The following ADAMTS3 variants were observed in gnomAD, a reference collection of about 807,000 sequenced individuals.
ADAMTS3 encodes ADAM metallopeptidase with thrombospondin type 1 motif 3, also known as A disintegrin and metalloproteinase with thrombospondin motifs 3.
ADAMTS3 carries 73 observed loss-of-function variants against 129.0 expected under a neutral mutation model. The ratio of observed to expected loss-of-function variants is 0.57; its 90% confidence interval spans 0.47 to 0.69. The LOEUF (loss-of-function observed/expected upper bound fraction) is 0.69. Ranked by LOEUF, ADAMTS3 falls within the 30% of genes least tolerant of loss-of-function variation. The probability of loss-of-function intolerance (pLI) is 0.00; values close to 1 mark genes in which losing one functional copy is unlikely to be tolerated. For missense variants in ADAMTS3, 1,457 were observed against 1,514.5 expected, an observed-to-expected ratio of 0.96 and a Z score of 0.63; for synonymous variants, 477 against 510.8, an observed-to-expected ratio of 0.93 and a Z score of 0.89.
At chr4:72,472,130 G>A (rs1171273543) in intron 3 of ADAMTS3, among the ~76,000 whole-genome samples, 3 of 152,054 alleles carry the variant, frequency 2.0e-5, no homozygotes, top group East Asian at 1.9e-4. Flanking sequence ...ATGAGACAGG[G>A]CTTGACAATA....
intron 3 of ADAMTS3, among the ~76,000 whole-genome samples, chr4:72,417,816 C>T (rs1296444865): frequency 6.6e-6 from 1 of 150,834 alleles, no homozygotes; most frequent in African/African-American, 2.4e-5. Flanking sequence ...GCCTGTAGTC[C>T]CAGCTACTCG....
chr4:72,364,675 G>A (rs1720822874), intron 4 of ADAMTS3, among the ~76,000 whole-genome samples: 2 of 151,540 alleles, frequency 1.3e-5, no homozygotes, highest in African/African-American at 4.8e-5. Context: ...ACAGAGTTAT[G>A]TGCAATTTCT....
intron 3 of ADAMTS3, among the ~76,000 whole-genome samples, chr4:72,528,353 A>T (rs1270871486): frequency 6.6e-6 from 1 of 152,108 alleles, no homozygotes; most frequent in Non-Finnish European, 1.5e-5. Flanking sequence ...CAAAGTAGTT[A>T]AAAGAGAGTA....
chr4:72,298,012 A>T, intron 18 of ADAMTS3, among the ~76,000 whole-genome samples: 1 of 152,100 alleles, frequency 6.6e-6, no homozygotes, highest in Non-Finnish European at 1.5e-5. Flanking sequence ...GAATAAAGTG[A>T]TTAAGGGTAC....
chr4:72,479,466 G>A (rs1235894767), intron 3 of ADAMTS3, among the ~76,000 whole-genome samples: 1 of 152,092 alleles, frequency 6.6e-6, no homozygotes, highest in Non-Finnish European at 1.5e-5. Flanking sequence ...TTTAATAAAT[G>A]GTGCTGGGAA....
chr4:72,343,160 C>A (rs771212455), intron 4 of ADAMTS3, among the ~76,000 whole-genome samples: 4 of 152,032 alleles, frequency 2.6e-5, no homozygotes, highest in Non-Finnish European at 5.9e-5. Flanking sequence ...AGCTGGCCAT[C>A]CCACCCTAAT....
chr4:72,386,366 A>G (rs530659573), intron 4 of ADAMTS3, among the ~76,000 whole-genome samples: 1 of 152,122 alleles, frequency 6.6e-6, no homozygotes, highest in African/African-American at 2.4e-5. Context: ...CATCTGTGTC[A>G]CTCTAGCAAT....
At chr4:72,327,178 A>C (rs1385818009) in intron 5 of ADAMTS3, among the ~76,000 whole-genome samples, 4 of 152,156 alleles carry the variant, frequency 2.6e-5, no homozygotes, top group Admixed American at 2.0e-4. Context: ...AGGCATAAGG[A>C]AATTCTCATG....
At chr4:72,360,555 T>C (rs1720695821) in intron 4 of ADAMTS3, among the ~76,000 whole-genome samples, 2 of 151,954 alleles carry the variant, frequency 1.3e-5, no homozygotes, top group Non-Finnish European at 2.9e-5. Flanking sequence ...AAATTTACAA[T>C]TTTACGTAAA....
At chr4:72,436,513 C>A (rs1367111257) in intron 3 of ADAMTS3, among the ~76,000 whole-genome samples, 1 of 152,110 alleles carries the variant, frequency 6.6e-6, no homozygotes, top group Non-Finnish European at 1.5e-5. Context: ...TGGGTATATA[C>A]CCAAAGGAAT....
chr4:72,445,298 T>A, intron 3 of ADAMTS3, among the ~76,000 whole-genome samples: 1 of 151,836 alleles, frequency 6.6e-6, no homozygotes, highest in South Asian at 2.1e-4. Context: ...CTTGCTCATG[T>A]TTATAAGCAT....
At chr4:72,298,088 T>C (rs1195607071) in intron 18 of ADAMTS3, 189 bp downstream of exon 18, 1 of 501,992 alleles carries the variant, frequency 2.0e-6, no homozygotes, top group Admixed American at 3.2e-5. Context: ...GGTCTGTCAC[T>C]GTTATGAAAG....
chr4:72,341,053 A>G (rs1720123895), intron 4 of ADAMTS3, among the ~76,000 whole-genome samples: 1 of 152,180 alleles, frequency 6.6e-6, no homozygotes, highest in Non-Finnish European at 1.5e-5. Flanking sequence ...ACATTAATAA[A>G]TAGGTATTGT....
chr4:72,340,285 G>A (rs1308081384), intron 4 of ADAMTS3, among the ~76,000 whole-genome samples: 1 of 150,920 alleles, frequency 6.6e-6, no homozygotes, highest in Non-Finnish European at 1.5e-5. Context: ...CAGCGAAGAA[G>A]TGGATATACA....
intron 3 of ADAMTS3, among the ~76,000 whole-genome samples, chr4:72,419,493 G>A (rs1208882115): frequency 6.6e-6 from 1 of 152,194 alleles, no homozygotes; most frequent in African/African-American, 2.4e-5. Flanking sequence ...GTTCAGGGTG[G>A]AGCAAAGGTT....
At chr4:72,361,448 G>A (rs1034359575) in intron 4 of ADAMTS3, among the ~76,000 whole-genome samples, 1 of 152,140 alleles carries the variant, frequency 6.6e-6, no homozygotes, top group Non-Finnish European at 1.5e-5. Context: ...AAATAAGAAA[G>A]ACAGGTGTTT....
intron 5 of ADAMTS3, among the ~76,000 whole-genome samples, chr4:72,338,542 A>G (rs951475515): frequency 2.6e-5 from 4 of 152,166 alleles, no homozygotes; most frequent in Non-Finnish European, 5.9e-5. Context: ...CATGAAACTA[A>G]GAATTTTTCT....
In ADAMTS3 at chr4:72,426,839, A is replaced by G. The variant is rs140964683; in HGVS notation, c.505-11868T>C. Among the ~76,000 whole-genome samples the G allele has an allele frequency of 1.1e-4, 17 of 152,238 alleles. No individual in the cohort carries two copies. The East Asian group carries it at 3.3e-3, about 29-fold the overall frequency. ...AACCCTGGAGGTCAAGACTGCAGTG[A>G]GCCATGATTGCACCACTGCACACCA... On this transcript the variant is annotated intron_variant, in intron 3 of 21. Coordinates refer to ENST00000286657, the MANE Select transcript of ADAMTS3 (RefSeq NM_014243.3).
chr4:72,506,824 C>T (rs1720171066), intron 3 of ADAMTS3, among the ~76,000 whole-genome samples: 1 of 152,188 alleles, frequency 6.6e-6, no homozygotes, highest in South Asian at 2.1e-4. Context: ...TGTTTGCCCA[C>T]ATTTTCCCCC....
Sources: allele counts gnomAD v4.1 joint callset (sites outside exome capture counted in the v4.1 genomes callset), GRCh38; gene constraint gnomAD v4.1.1; transcripts MANE v1.5; gene names NCBI Gene and HGNC (gene_info 2026-07-23, HGNC 2026-07-21).